Variants in EDC4 observed in about 807,000 individuals in gnomAD.
The protein encoded by EDC4 is enhancer of mRNA decapping 4.
A neutral mutation model predicts 155.8 loss-of-function variants in EDC4; 64 were observed. That is an observed-to-expected ratio of 0.41 (90% CI 0.34 to 0.51). The LOEUF (loss-of-function observed/expected upper bound fraction) is 0.51, where lower values mean the gene tolerates loss of function less well. Among genes scored for constraint, EDC4 ranks in the 20% least tolerant of loss-of-function variants. EDC4 has a pLI of 0.19. For synonymous variants in EDC4, 684 were observed against 716.8 expected, an observed-to-expected ratio of 0.95 and a Z score of 0.73; for missense variants, 1,303 against 1,812.5, an observed-to-expected ratio of 0.72 and a Z score of 5.10.
Position 67,881,396 on chromosome 16 carries a change from G to A in EDC4, c.2768G>A (p.Arg923Lys), listed in dbSNP as rs1251949018. Residue 923 changes from arginine to lysine, a missense_variant, in exon 20 of 29, where the codon AGG becomes AAG. Transcript: ENST00000358933. This position sits in a 1 kb window ranked among gnomAD's most constrained non-coding sequence, Gnocchi z 5.4. ...GSPRTSPKLK[R>K]KSKKDDGDAA... is the part of the protein sequence containing the mutation. ...CCTCGAACCTCACCCAAGCTCAAGAGGAAAAGCAAGAAGGATGATGGGTAG... is the reference window on the plus strand; with the variant it reads ...CCTCGAACCTCACCCAAGCTCAAGAAGAAAAGCAAGAAGGATGATGGGTAG... 1 of 1,614,160 alleles carries A rather than the reference G, an allele frequency of 6.2e-7. No individual in the cohort carries two copies.
chr16:67,879,267 C>G lies in EDC4; in HGVS notation c.1499C>G (p.Ser500Cys). 1.2e-6 allele frequency: 2 copies of G among 1,614,184 alleles called. No homozygotes were observed. Among genetic ancestry groups the G allele is most frequent in the Non-Finnish European group, 1.7e-6 (2 of 1,180,032 alleles). The stretch of plus-strand genomic sequence containing the variant: ...ACCCATGGAGCCGGTGCCATGGAGT[C>G]TGCGGCCGGTGTGCTCATCAAGCTC... The part of the protein sequence containing the change: ...DGTHGAGAME[S>C]AAGVLIKLFC... The change falls in exon 13 of 29, where the codon TCT becomes TGT. Residue 500 changes from serine (S) to cysteine (C), a missense_variant. Physicochemically the swap from Ser to Cys is moderately radical, Grantham distance 112. Around this residue, in one of 5 missense-constraint regions of EDC4, gnomAD observed 391 missense variants for 445.4 expected, o/e 0.88. Coordinates refer to ENST00000358933, the MANE Select transcript of EDC4 (RefSeq NM_014329.5). The surrounding 1 kb of genome is among the most constrained non-coding windows in gnomAD (Gnocchi z 6.0).
Position 67,879,040 on chromosome 16 carries a change from C to T in EDC4, c.1371C>T (p.His457=), listed in dbSNP as rs1224074159. 3 of 1,613,060 alleles carry T rather than the reference C, an allele frequency of 1.9e-6. No individual in the cohort carries two copies. Among genetic ancestry groups the T allele is most frequent in the Admixed American group, 1.7e-5 (1 of 60,022 alleles). The change falls in exon 12 of 29, where the codon CAC becomes CAT. Residue 457 remains histidine, a synonymous_variant. Transcript: ENST00000358933. This position sits in a 1 kb window ranked among gnomAD's most constrained non-coding sequence, Gnocchi z 6.0. ...CCATCTCGGAGTTCCTGCTCACCCA[C>T]CCTGTGCTGAGCTTTGGTATCCAGG... ...FSSISEFLLT[H]PVLSFGIQVV...
rs764086073 is a variant in EDC4, at chr16:67,881,886, G to A, written c.3004+41G>A. The A allele has an allele frequency of 1.9e-6, 3 of 1,605,228 alleles. No individual in the cohort carries two copies. In the African/African-American group the frequency reaches 4.0e-5, roughly 21 times the overall value. On this transcript the variant is annotated intron_variant, in intron 22 of 28. Transcript: ENST00000358933. The surrounding 1 kb of genome is among the most constrained non-coding windows in gnomAD (Gnocchi z 5.4). Reference sequence around the variant, plus strand: ...GTAGCACAACATGGCATAGGGACGGGGGCAGCATTCTTGGCCTGGGAAGGA... The same window carrying A: ...GTAGCACAACATGGCATAGGGACGGAGGCAGCATTCTTGGCCTGGGAAGGA...
chr16:67,883,850 CT>C lies in EDC4; in HGVS notation c.4014-103del, dbSNP rs1224251164. 4.2e-5 allele frequency: 65 copies of C among 1,537,156 alleles called. No homozygotes were observed. The highest frequency in any genetic ancestry group is 5.6e-5 in the Non-Finnish European group (63 of 1,135,054). ...CTCTCCCTAATTTTCTCCACCAGTC[CT>C]TTCTGCCTTCACCCAGAGGGTTCCC... On this transcript the variant is annotated intron_variant, in intron 28 of 28. Transcript: ENST00000358933. The surrounding 1 kb of genome is among the most constrained non-coding windows in gnomAD (Gnocchi z 5.3).
chr16:67,880,326 A>G lies in EDC4; in HGVS notation c.2097+110A>G. ...TGCTGCTGATCCTGCTCTACCCGAC[A>G]TGGTCCGTGTTTCCCTGAGGTCATT... On this transcript the variant is annotated intron_variant, in intron 17 of 28. Coordinates refer to ENST00000358933, the MANE Select transcript of EDC4 (RefSeq NM_014329.5). The surrounding 1 kb of genome is among the most constrained non-coding windows in gnomAD (Gnocchi z 5.2). 2.7e-6 allele frequency: 4 copies of G among 1,469,530 alleles called. No homozygotes were observed. Among genetic ancestry groups the G allele is most frequent in the South Asian group, 2.7e-5 (2 of 74,304 alleles). The allele number at this position is 1,469,530 out of a possible 1,614,324, so 91.0% of individuals were successfully genotyped here.
At position 67,881,956 on chromosome 16, in the gene EDC4, C is replaced by T. The variant is rs765275051; in HGVS notation, c.3007C>T (p.Arg1003Trp). The T allele has an allele frequency of 3.7e-6, 6 of 1,606,196 alleles. No individual in the cohort carries two copies. The highest frequency in any genetic ancestry group is 5.1e-6 in the Non-Finnish European group (6 of 1,176,104). The change falls in exon 23 of 29, where the codon CGG becomes TGG. Residue 1003 changes from arginine to tryptophan, a missense_variant and splice_region_variant. By Grantham distance (101) the Arg-to-Trp change is moderately radical. Around this residue, in one of 5 missense-constraint regions of EDC4, gnomAD observed 527 missense variants for 757.0 expected, o/e 0.70. Coordinates refer to ENST00000358933, the MANE Select transcript of EDC4 (RefSeq NM_014329.5). The surrounding 1 kb of genome is among the most constrained non-coding windows in gnomAD (Gnocchi z 5.4). ...ALETRHEQEQRRLERALAEGQ... is the reference protein window; with the variant it reads ...ALETRHEQEQWRLERALAEGQ... ...CCCGTTCCTTAGCTATGGCGCAGAG[C>T]GGCGGCTGGAGCGAGCACTGGCTGA...
chr16:67,883,256 C>T lies in EDC4; in HGVS notation c.3849+79C>T. On this transcript the variant is annotated intron_variant, in intron 27 of 28. Transcript: ENST00000358933. The surrounding 1 kb of genome is among the most constrained non-coding windows in gnomAD (Gnocchi z 5.3). ...CATACCATACATTCTACTCCACCCA[C>T]CACCTTTGCACCTTCTGGCCCCAGC... is the stretch of plus-strand genomic sequence containing the variant. The T allele has an allele frequency of 6.7e-7, 1 of 1,482,792 alleles. No homozygotes were observed. Among genetic ancestry groups the T allele is most frequent in the Non-Finnish European group, 9.0e-7 (1 of 1,114,036 alleles). The allele number at this position is 1,482,792 out of a possible 1,614,324, so 91.9% of individuals were successfully genotyped here.
chr16:67,879,031 G>A lies in EDC4; in HGVS notation c.1362G>A (p.Leu454=), dbSNP rs770970915. 2 of 1,612,646 alleles carry A rather than the reference G, an allele frequency of 1.2e-6. No individual in the cohort carries two copies. The highest frequency in any genetic ancestry group is 1.7e-6 in the Non-Finnish European group (2 of 1,179,924). Residue 454 remains leucine (L), a synonymous_variant, in exon 12 of 29, where the codon CTG becomes CTA. Transcript: ENST00000358933. The surrounding 1 kb of genome is among the most constrained non-coding windows in gnomAD (Gnocchi z 6.0). ...GCTTCAGCTCCATCTCGGAGTTCCTGCTCACCCACCCTGTGCTGAGCTTTG... is the reference window on the plus strand; with the variant it reads ...GCTTCAGCTCCATCTCGGAGTTCCTACTCACCCACCCTGTGCTGAGCTTTG... The part of the protein sequence containing the change: ...HACFSSISEF[L]LTHPVLSFGI...
At position 67,882,010 on chromosome 16, in the gene EDC4, G is replaced by C; in HGVS notation, c.3061G>C (p.Glu1021Gln). 6.2e-7 allele frequency: 1 copy of C among 1,611,740 alleles called. No individual in the cohort carries two copies. Among genetic ancestry groups the C allele is most frequent in the Non-Finnish European group, 8.5e-7 (1 of 1,179,220 alleles). ...GCAGCAGCGGGGAGGGCAGCTGCAG[G>C]AGCAGCTGACACAACAGTTGTCCCA... ...EGQQRGGQLQ[E>Q]QLTQQLSQAL... is the part of the protein sequence containing the mutation. Residue 1021 changes from glutamate to glutamine, a missense_variant, in exon 23 of 29, where the codon GAG (glutamate) becomes CAG (glutamine). Coordinates refer to ENST00000358933, the MANE Select transcript of EDC4 (RefSeq NM_014329.5). The surrounding 1 kb of genome is among the most constrained non-coding windows in gnomAD (Gnocchi z 7.2).
At chr16:67,874,887 GC>G (rs1228533964) in intron 1 of EDC4, among the ~76,000 whole-genome samples, 2 of 152,134 alleles carry the variant, frequency 1.3e-5, no homozygotes, top group African/African-American at 4.8e-5. Flanking sequence ...TTCGAGACCA[GC>G]CTGGCCAACA....
At position 67,879,602 on chromosome 16, in the gene EDC4, G is replaced by A. The variant is rs761246369; in HGVS notation, c.1649G>A (p.Arg550Gln). 4.6e-5 allele frequency: 75 copies of A among 1,613,884 alleles called. 1 individual carries two copies. In the Middle Eastern group the frequency reaches 4.9e-4, roughly 11 times the overall value. ...TGCCCTGCAGCATTTGGAGAGTCTC[G>A]GCCCGAACTGGGCTCTGAGGGCCTG... is the stretch of plus-strand genomic sequence containing the variant. Reference protein sequence around the residue: ...AHEDFTFGESRPELGSEGLGS... With the variant: ...AHEDFTFGESQPELGSEGLGS... The change falls in exon 15 of 29, where the codon CGG (arginine) becomes CAG (glutamine). Residue 550 changes from arginine to glutamine, a missense_variant. Coordinates refer to ENST00000358933, the MANE Select transcript of EDC4 (RefSeq NM_014329.5). This position sits in a 1 kb window ranked among gnomAD's most constrained non-coding sequence, Gnocchi z 6.0.
In EDC4 at chr16:67,881,927, C is replaced by T. The variant is rs1330022388; in HGVS notation, c.3005-27C>T. On this transcript the variant is annotated intron_variant, in intron 22 of 28. Transcript: ENST00000358933. This position sits in a 1 kb window ranked among gnomAD's most constrained non-coding sequence, Gnocchi z 5.4. The stretch of plus-strand genomic sequence containing the variant: ...CTGGGAAGGAGTACACGACCTGCTC[C>T]AGGCCCGTTCCTTAGCTATGGCGCA... 2 of 1,603,470 alleles carry T rather than the reference C, an allele frequency of 1.2e-6. No individual in the cohort carries two copies. Among genetic ancestry groups the T allele is most frequent in the South Asian group, 1.1e-5 (1 of 90,448 alleles).
chr16:67,877,885 TC>T lies in EDC4; in HGVS notation c.894+42del. On this transcript the variant is annotated intron_variant, in intron 7 of 28. Coordinates refer to ENST00000358933, the MANE Select transcript of EDC4 (RefSeq NM_014329.5). This position sits in a 1 kb window ranked among gnomAD's most constrained non-coding sequence, Gnocchi z 4.9. ...GCCTGCCTCCCCTGCCCTCCCCACT[TC>T]CTCATATCCATCTTCTGTTCCCTAT... 1 of 1,610,696 alleles carries T rather than the reference TC, an allele frequency of 6.2e-7. No individual in the cohort carries two copies. The highest frequency in any genetic ancestry group is 8.5e-7 in the Non-Finnish European group (1 of 1,178,652).
At position 67,879,882 on chromosome 16, in the gene EDC4, TAGCAGCAGCAGCAGCAGCAGTAGC is replaced by T; in HGVS notation, c.1861_1884del (p.Ser622_Ser629del). 1 of 1,610,364 alleles carries T rather than the reference TAGCAGCAGCAGCAGCAGCAGTAGC, an allele frequency of 6.2e-7. No individual in the cohort carries two copies. The highest frequency in any genetic ancestry group is 1.1e-5 in the South Asian group (1 of 90,868). On this transcript the variant is annotated inframe_deletion, in exon 16 of 29. Transcript: ENST00000358933. This position sits in a 1 kb window ranked among gnomAD's most constrained non-coding sequence, Gnocchi z 6.0. ...CCTCTCCCAGCAGCAGCAGCAGCGGTAGCAGCAGCAGCAGCAGCAGTAGCAGCAGCTCCCTTACAGCTGTGTCTG... is the reference window on the plus strand; with the variant it reads ...CCTCTCCCAGCAGCAGCAGCAGCGGTAGCAGCTCCCTTACAGCTGTGTCTG...
In EDC4 at chr16:67,882,677, A is replaced by T. The variant is rs2058074215; in HGVS notation, c.3443-2A>T. 1 of 1,614,094 alleles carries T rather than the reference A, an allele frequency of 6.2e-7. No homozygotes were observed. Among genetic ancestry groups the T allele is most frequent in the Admixed American group, 1.7e-5 (1 of 60,008 alleles). ...CTTATAGTCCCTGTGGTCACCCCTCAGACTTGCAGCAGCTAGAAAGCCACA... is the reference window on the plus strand; with the variant it reads ...CTTATAGTCCCTGTGGTCACCCCTCTGACTTGCAGCAGCTAGAAAGCCACA... On this transcript the variant is annotated splice_acceptor_variant, in intron 25 of 28. Coordinates refer to ENST00000358933, the MANE Select transcript of EDC4 (RefSeq NM_014329.5). LOFTEE classifies it high-confidence loss of function. This position sits in a 1 kb window ranked among gnomAD's most constrained non-coding sequence, Gnocchi z 7.2.
Position 67,883,097 on chromosome 16 carries a change from G to C in EDC4, c.3769G>C (p.Ala1257Pro), listed in dbSNP as rs373354105. Residue 1257 changes from alanine (A) to proline (P), a missense_variant, in exon 27 of 29, where the codon GCC becomes CCC. Ala to Pro is a conservative substitution (Grantham distance 27). Transcript: ENST00000358933. This position sits in a 1 kb window ranked among gnomAD's most constrained non-coding sequence, Gnocchi z 5.3. ...AGCTGCTGGCACACCTGTCCCCTCT[G>C]CCCACCTTGACTGCCAGGCCCAGCA... ...RSAAGTPVPSAHLDCQAQQAH... is the reference protein window; with the variant it reads ...RSAAGTPVPSPHLDCQAQQAH... The C allele has an allele frequency of 1.4e-5, 22 of 1,611,710 alleles. No individual in the cohort carries two copies. In the East Asian group the frequency reaches 4.7e-4, roughly 34 times the overall value.
chr16:67,879,782 C>T lies in EDC4; in HGVS notation c.1821+8C>T. On this transcript the variant is annotated splice_region_variant and intron_variant, in intron 15 of 28. Transcript: ENST00000358933. The surrounding 1 kb of genome is among the most constrained non-coding windows in gnomAD (Gnocchi z 6.0). ...AGCGCCTCCTTGCAGCAGGTACTCT[C>T]CCAGGGTAGGGGGACCTGGGAATGC... 6.2e-7 allele frequency: 1 copy of T among 1,613,842 alleles called. No individual in the cohort carries two copies. The highest frequency in any genetic ancestry group is 2.2e-5 in the East Asian group (1 of 44,876).
chr16:67,873,162 G>T lies in EDC4; in HGVS notation c.-100G>T. ...CTGCGGGTGGACTGTGTAGTGACCG[G>T]CGTCCCGCTGTCTCGCCCCGTGGCG... On this transcript the variant is annotated 5_prime_UTR_variant, in exon 1 of 29. Coordinates refer to ENST00000358933, the MANE Select transcript of EDC4 (RefSeq NM_014329.5). The T allele has an allele frequency of 1.1e-6, 1 of 923,472 alleles. No homozygotes were observed. Among genetic ancestry groups the T allele is most frequent in the Middle Eastern group, 3.6e-4 (1 of 2,800 alleles). The allele number at this position is 923,472 out of a possible 1,614,324, so 57.2% of individuals were successfully genotyped here.
rs778427524 is a variant in EDC4, at chr16:67,882,030, G to A, written c.3081G>A (p.Leu1027=). 1.2e-6 allele frequency: 2 copies of A among 1,612,572 alleles called. No individual in the cohort carries two copies. Among genetic ancestry groups the A allele is most frequent in the Non-Finnish European group, 8.5e-7 (1 of 1,179,584 alleles). The stretch of plus-strand genomic sequence containing the variant: ...TGCAGGAGCAGCTGACACAACAGTT[G>A]TCCCAAGCACTGTCGTCAGCTGTAG... ...GQLQEQLTQQ[L]SQALSSAVAG... is the part of the protein sequence containing the mutation. Residue 1027 remains leucine, a synonymous_variant, in exon 23 of 29, where the codon TTG becomes TTA. Transcript: ENST00000358933. This position sits in a 1 kb window ranked among gnomAD's most constrained non-coding sequence, Gnocchi z 7.2.
Sources: gnomAD v4.1 joint callset for allele counts (sites outside exome capture counted in the v4.1 genomes callset) on GRCh38, gnomAD v4.1.1 for gene constraint, gnomAD v4.1.1 regional missense constraint, Gnocchi (gnomAD v3.1) non-coding constraint, MANE v1.5 for transcripts, NCBI Gene and HGNC (gene_info 2026-07-23, HGNC 2026-07-21) for gene names.